S100Z: variants seen among roughly 807,000 people sequenced by gnomAD.
The protein encoded by S100Z is protein S100-Z.
S100Z carries 11 observed loss-of-function variants against 8.5 expected under a neutral mutation model. That is an observed-to-expected ratio of 1.30 (90% CI 0.82 to 2.15). The LOEUF is 2.15. Among genes scored for constraint, S100Z ranks in the 30% most tolerant of loss-of-function variants. The pLI, the probability that S100Z is intolerant of heterozygous loss-of-function variation, is 0.00. For missense variants in S100Z, 126 were observed against 117.9 expected, an observed-to-expected ratio of 1.07 and a Z score of -0.32; for synonymous variants, 34 against 43.8, an observed-to-expected ratio of 0.78 and a Z score of 0.89.
Position 76,894,368 on chromosome 5 carries a change from T to C in S100Z, c.*2+16534T>C, listed in dbSNP as rs534660410. Among the ~76,000 whole-genome samples, 127 of 152,356 alleles carry C rather than the reference T, an allele frequency of 8.3e-4. 1 individual carries two copies. The South Asian group carries it at 0.025, about 31-fold the overall frequency. ...TGTATAAAACCAAGCTGCACCACCT[T>C]GGGCACATGTTCTCAGGACCTCCTG... On this transcript the variant is annotated intron_variant, in intron 4 of 4. Coordinates refer to ENST00000317593, the MANE Select transcript of S100Z (RefSeq NM_130772.4).
chr5:76,870,424 A>G (rs1197587366), intron 2 of S100Z, 140 bp downstream of exon 2: 1 of 152,168 alleles, frequency 6.6e-6, no homozygotes, highest in Non-Finnish European at 1.5e-5. Flanking sequence ...AACTTCTGCA[A>G]GTTTGATGTG....
the S100Z span, among the ~76,000 whole-genome samples, chr5:76,934,375 A>G: frequency 1.3e-5 from 2 of 152,242 alleles, no homozygotes; most frequent in African/African-American, 4.8e-5. Context: ...AAATGCAACT[A>G]AGGAAAGATG....
chr5:76,935,135 TG>T, the S100Z span, among the ~76,000 whole-genome samples: 1 of 152,196 alleles, frequency 6.6e-6, no homozygotes, highest in African/African-American at 2.4e-5. Context: ...AAGACACAAA[TG>T]GTGATTGTGA....
chr5:76,919,907 A>ATTTTTTTTTTTTCT (rs1561253785), intron 4 of S100Z, among the ~76,000 whole-genome samples: 2 of 122,220 alleles, frequency 1.6e-5, no homozygotes, highest in African/African-American at 6.1e-5. Context: ...CCCAGCTTTC[A>ATTTTTTTTTTTTCT]TTTTTTTTTT....
the S100Z span, among the ~76,000 whole-genome samples, chr5:76,940,604 G>A: frequency 1.3e-5 from 2 of 151,948 alleles, no homozygotes; most frequent in African/African-American, 4.8e-5. Context: ...GTAGAGAAGG[G>A]GTTTCACCAT....
intron 4 of S100Z, among the ~76,000 whole-genome samples, chr5:76,884,174 G>T (rs1743516119): frequency 6.6e-6 from 1 of 152,246 alleles, no homozygotes; most frequent in Non-Finnish European, 1.5e-5. Flanking sequence ...GCAGTAAAGT[G>T]TCTCAGGGTT....
At chr5:76,948,930 T>G in the S100Z span, 23 of 152,096 alleles carry the variant, frequency 1.5e-4, no homozygotes, top group African/African-American at 5.1e-4. Flanking sequence ...TGACACATAC[T>G]GGGGCCTATT....
downstream of S100Z, among the ~76,000 whole-genome samples, chr5:76,925,159 T>G (rs1216031047): frequency 6.6e-6 from 1 of 151,030 alleles, no homozygotes; most frequent in Non-Finnish European, 1.5e-5. Flanking sequence ...AGTGGCTAGA[T>G]AGAGAGAGAG....
At chr5:76,904,681 G>C (rs1744363971) in intron 4 of S100Z, among the ~76,000 whole-genome samples, 2 of 151,928 alleles carry the variant, frequency 1.3e-5, no homozygotes, top group South Asian at 4.1e-4. Context: ...TTGGTCCACA[G>C]GTGTATACCA....
intron 4 of S100Z, among the ~76,000 whole-genome samples, chr5:76,883,711 G>C (rs1449152768): frequency 6.6e-6 from 1 of 152,168 alleles, no homozygotes. Context: ...AGAGTTCCAG[G>C]GGCTCCGGGA....
intron 4 of S100Z, among the ~76,000 whole-genome samples, chr5:76,899,090 C>T (rs117356253): frequency 0.014 from 2,196 of 151,978 alleles, 64 homozygotes; most frequent in East Asian, 0.12. Flanking sequence ...ATTACAGACA[C>T]GTGCCACCAC....
intron 4 of S100Z, 139 bp downstream of exon 4, chr5:76,877,973 T>C: frequency 2.0e-6 from 1 of 488,956 alleles, no homozygotes; most frequent in Non-Finnish European, 3.6e-6. Flanking sequence ...AATTAATTGC[T>C]ACTATTGAAT....
chr5:76,887,100 C>CT (rs775761857), intron 4 of S100Z, among the ~76,000 whole-genome samples: 221 of 140,214 alleles, frequency 1.6e-3, no homozygotes, highest in East Asian at 2.9e-3. Flanking sequence ...CTTTTCTTTT[C>CT]TTTTTTTTTT....
intron 4 of S100Z, among the ~76,000 whole-genome samples, chr5:76,893,669 T>TC (rs1743940285): frequency 6.6e-6 from 1 of 152,146 alleles, no homozygotes; most frequent in African/African-American, 2.4e-5. Context: ...AAGTAAATAC[T>TC]CCCCTCGCCC....
intron 4 of S100Z, among the ~76,000 whole-genome samples, chr5:76,878,388 C>T (rs944815364): frequency 7.2e-5 from 11 of 152,302 alleles, no homozygotes; most frequent in African/African-American, 2.6e-4. Flanking sequence ...CTCTTGTGAG[C>T]TGGCATATAA....
chr5:76,907,013 TATATATATATACATATATATATAC>T (rs1470655233), intron 4 of S100Z, among the ~76,000 whole-genome samples: 3 of 111,896 alleles, frequency 2.7e-5, no homozygotes, highest in South Asian at 5.2e-4. Flanking sequence ...TATATATATA[TATATATATATACATATATATATAC>T]CAAATTTTCT....
At chr5:76,934,997 T>C in the S100Z span, among the ~76,000 whole-genome samples, 2 of 152,204 alleles carry the variant, frequency 1.3e-5, no homozygotes, top group Non-Finnish European at 1.5e-5. Context: ...ACATCTCTTA[T>C]AGTCATGCCA....
chr5:76,904,986 G>A (rs113723928), intron 4 of S100Z, among the ~76,000 whole-genome samples: 67 of 152,260 alleles, frequency 4.4e-4, no homozygotes, highest in Admixed American at 1.0e-3. Flanking sequence ...GTTTTCAAAC[G>A]AAGGGCAACT....
intron 4 of S100Z, among the ~76,000 whole-genome samples, chr5:76,917,655 T>C (rs1452691907): frequency 2.0e-5 from 3 of 152,066 alleles, no homozygotes; most frequent in Non-Finnish European, 4.4e-5. Flanking sequence ...AAACCCCATC[T>C]CTATTGAAAA....
Sources: gnomAD v4.1 joint callset for allele counts (sites outside exome capture counted in the v4.1 genomes callset) on GRCh38, gnomAD v4.1.1 for gene constraint, MANE v1.5 for transcripts, NCBI Gene and HGNC (gene_info 2026-07-23, HGNC 2026-07-21) for gene names.